Variants in HDAC9 observed in about 807,000 individuals in gnomAD.
HDAC9 encodes the protein histone deacetylase 9, also known as MEF-2 interacting transcription repressor (MITR) protein.
A neutral mutation model predicts 139.4 loss-of-function variants in HDAC9; 41 were observed. The ratio of observed to expected loss-of-function variants is 0.29; its 90% CI spans 0.23 to 0.38. The LOEUF (loss-of-function observed/expected upper bound fraction) is 0.38, where lower values mean the gene tolerates loss of function less well. Ranked by LOEUF, HDAC9 falls within the 10% of genes least tolerant of loss-of-function variation. HDAC9 has a pLI of 1.00. For synonymous variants in HDAC9, 517 were observed against 476.2 expected, an observed-to-expected ratio of 1.09 and a Z score of -1.12; for missense variants, 1,147 against 1,297.0, an observed-to-expected ratio of 0.88 and a Z score of 1.78.
chr7:18,532,452 T>C (rs932959662), intron 2 of HDAC9, among the ~76,000 whole-genome samples: 3 of 152,178 alleles, frequency 2.0e-5, no homozygotes, highest in African/African-American at 7.2e-5. Context: ...GGTCTAATTA[T>C]TCATTTAAAA....
chr7:18,685,706 C>T (rs1171306768), intron 12 of HDAC9, among the ~76,000 whole-genome samples: 2 of 151,866 alleles, frequency 1.3e-5, no homozygotes, highest in African/African-American at 2.4e-5. Flanking sequence ...AAATAGATTT[C>T]CTCCTAAGGG....
intron 12 of HDAC9, among the ~76,000 whole-genome samples, chr7:18,690,723 C>G (rs1782612432): frequency 6.6e-6 from 1 of 151,890 alleles, no homozygotes; most frequent in African/African-American, 2.4e-5. Flanking sequence ...AGAAAATCCT[C>G]TCGAAATTTG....
At chr7:18,836,927 A>G (rs868726569) in intron 21 of HDAC9, among the ~76,000 whole-genome samples, 2 of 152,192 alleles carry the variant, frequency 1.3e-5, no homozygotes, top group Admixed American at 1.3e-4. Flanking sequence ...TTTGCCATTT[A>G]TAAGTTCCCA....
At chr7:18,469,577 C>T (rs929021180) in intron 1 of HDAC9, among the ~76,000 whole-genome samples, 1 of 152,124 alleles carries the variant, frequency 6.6e-6, no homozygotes, top group South Asian at 2.1e-4. Context: ...AATGGTACCA[C>T]ATTGTATTTC....
chr7:18,917,351 C>T (rs1049093060), intron 22 of HDAC9, among the ~76,000 whole-genome samples: 3 of 151,838 alleles, frequency 2.0e-5, no homozygotes, highest in African/African-American at 7.3e-5. Context: ...GTAAATACTA[C>T]TGTGTTTATT....
rs549152502 is a variant in HDAC9, at chr7:18,411,613, G to C, written c.-41-84649G>C. ...GATGGTCTTGATCTCCTGACCTCGT[G>C]ATCTGCCTGCCTTGGCCTCCCAAAG... On this transcript the variant is annotated intron_variant, in intron 1 of 3. Transcript: ENST00000413509. 3.5e-4 allele frequency among the ~76,000 whole-genome samples: 54 copies of C among 152,238 alleles called. No homozygotes were observed. The South Asian group carries it at 0.011, about 30-fold the overall frequency.
At chr7:18,693,106 A>G (rs1782789172) in intron 12 of HDAC9, among the ~76,000 whole-genome samples, 1 of 151,974 alleles carries the variant, frequency 6.6e-6, no homozygotes, top group Non-Finnish European at 1.5e-5. Context: ...CTTTAAAAAG[A>G]AAAAAATTTA....
chr7:18,811,909 C>A lies in HDAC9; in HGVS notation c.2323-17252C>A, dbSNP rs1424760136. Among the ~76,000 whole-genome samples the A allele has an allele frequency of 2.0e-5, 3 of 151,536 alleles. No homozygotes were observed. In the East Asian group the frequency reaches 5.8e-4, roughly 29 times the overall value. On this transcript the variant is annotated intron_variant, in intron 17 of 25. Transcript: ENST00000686413. ...GAGACAAAATATGTACATATTCATCCCTTGATATATTCACAGGGGATTGGT... is the reference window on the plus strand; with the variant it reads ...GAGACAAAATATGTACATATTCATCACTTGATATATTCACAGGGGATTGGT...
At chr7:18,155,427 C>T (rs1017603217) in intron 1 of HDAC9, among the ~76,000 whole-genome samples, 3 of 152,114 alleles carry the variant, frequency 2.0e-5, no homozygotes, top group Admixed American at 6.6e-5. Context: ...CTGTAGTTGG[C>T]AAGATTTCTT....
chr7:18,254,534 T>C (rs1795113676), intron 2 of HDAC9, among the ~76,000 whole-genome samples: 1 of 152,226 alleles, frequency 6.6e-6, no homozygotes, highest in Non-Finnish European at 1.5e-5. Context: ...CTATGACTCA[T>C]GAATTTCCAG....
intron 1 of HDAC9, among the ~76,000 whole-genome samples, chr7:18,346,789 A>G (rs1285206814): frequency 1.3e-5 from 2 of 152,106 alleles, no homozygotes; most frequent in Non-Finnish European, 2.9e-5. Flanking sequence ...GTTATATTTC[A>G]CCAAAATCTC....
chr7:18,088,725 A>C (rs1297957261), intron 1 of HDAC9, among the ~76,000 whole-genome samples: 1 of 152,232 alleles, frequency 6.6e-6, no homozygotes, highest in African/African-American at 2.4e-5. Context: ...TACCACAGAT[A>C]ATTAGTCTTC....
At chr7:18,376,584 C>A (rs546401476) in intron 1 of HDAC9, among the ~76,000 whole-genome samples, 1 of 152,148 alleles carries the variant, frequency 6.6e-6, no homozygotes, top group Non-Finnish European at 1.5e-5. Flanking sequence ...ATAATTCTTA[C>A]ACCATATTGA....
At chr7:18,178,043 C>G (rs1044734255) in intron 2 of HDAC9, among the ~76,000 whole-genome samples, 25 of 151,594 alleles carry the variant, frequency 1.6e-4, no homozygotes, top group African/African-American at 6.1e-4. Context: ...TCCTCCATCC[C>G]CCTACCTCCC....
chr7:18,459,808 C>G (rs960395147), intron 1 of HDAC9, among the ~76,000 whole-genome samples: 1 of 152,060 alleles, frequency 6.6e-6, no homozygotes, highest in South Asian at 2.1e-4. Flanking sequence ...TCTTCCTGTC[C>G]TCATATTTAA....
intron 13 of HDAC9, among the ~76,000 whole-genome samples, chr7:18,732,984 T>C (rs1488815772): frequency 1.4e-5 from 2 of 145,438 alleles, no homozygotes; most frequent in Non-Finnish European, 3.0e-5. Flanking sequence ...CACATGTGTA[T>C]GTGTGTGTAT....
chr7:18,619,723 C>G (rs1467576374), intron 6 of HDAC9, among the ~76,000 whole-genome samples: 1 of 152,158 alleles, frequency 6.6e-6, no homozygotes, highest in Non-Finnish European at 1.5e-5. Context: ...CATAGATTAA[C>G]TAAAATGTGT....
intron 17 of HDAC9, among the ~76,000 whole-genome samples, chr7:18,801,399 T>C (rs537411767): frequency 6.6e-6 from 1 of 152,202 alleles, no homozygotes; most frequent in Non-Finnish European, 1.5e-5. Flanking sequence ...ATAAGTTATA[T>C]TAATTAAATA....
intron 2 of HDAC9, among the ~76,000 whole-genome samples, chr7:18,520,996 GTCC>G (rs1179580320): frequency 2.0e-5 from 3 of 152,236 alleles, no homozygotes; most frequent in Non-Finnish European, 4.4e-5. Flanking sequence ...GTCATCGGCA[GTCC>G]TCCTCTAACA....
Sources: gnomAD v4.1 joint callset for allele counts (sites outside exome capture counted in the v4.1 genomes callset) on GRCh38, gnomAD v4.1.1 for gene constraint, MANE v1.5 for transcripts, NCBI Gene and HGNC (gene_info 2026-07-23, HGNC 2026-07-21) for gene names.